The following LARP4B variants were observed in gnomAD, a reference collection of about 807,000 sequenced individuals.
LARP4B encodes the protein la-related protein 4B.
A neutral mutation model predicts 89.8 loss-of-function variants in LARP4B; 12 were observed. That is an observed-to-expected ratio of 0.13 (90% CI 0.09 to 0.22). LARP4B has a LOEUF of 0.22. Ranked by LOEUF, LARP4B falls within the 10% of genes least tolerant of loss-of-function variation. The pLI is 1.00. For missense variants in LARP4B, 757 were observed against 947.7 expected (o/e 0.80, Z 2.64); for synonymous variants, 367 against 363.3 (o/e 1.01, Z -0.12).
chr10:911,529 T>C (rs576784675), intron 1 of LARP4B, among the ~76,000 whole-genome samples: 13 of 152,342 alleles, frequency 8.5e-5, no homozygotes, highest in African/African-American at 3.1e-4. Context: ...AAGCTTAAGA[T>C]CTTCCTAAAA....
intron 5 of LARP4B, among the ~76,000 whole-genome samples, chr10:848,565 T>C (rs1833889307): frequency 7.2e-6 from 1 of 138,750 alleles, no homozygotes; most frequent in African/African-American, 2.6e-5. Context: ...ATAAAAGTTA[T>C]TAAAAAAAAA....
At chr10:823,821 T>C (rs909576398) in intron 13 of LARP4B, among the ~76,000 whole-genome samples, 2 of 152,052 alleles carry the variant, frequency 1.3e-5, no homozygotes, top group African/African-American at 4.8e-5. Flanking sequence ...TGGGCCCCTT[T>C]TGGCTTTGCA....
chr10:987,698 C>T, the LARP4B span: 1 of 152,284 alleles, frequency 6.6e-6, no homozygotes, highest in Non-Finnish European at 1.5e-5. Flanking sequence ...ACTCTATTCA[C>T]AAACATAAAA....
chr10:884,561 T>A (rs1835793834), intron 2 of LARP4B, 55 bp from the exon 3 acceptor site: 1 of 1,236,824 alleles, frequency 8.1e-7, no homozygotes, highest in Non-Finnish European at 1.2e-6. Flanking sequence ...AGAAACAACA[T>A]ATTTTCAAAC....
At chr10:862,550 G>A (rs1033242879) in intron 5 of LARP4B, among the ~76,000 whole-genome samples, 1 of 152,170 alleles carries the variant, frequency 6.6e-6, no homozygotes, top group Non-Finnish European at 1.5e-5. Context: ...CACAAGGTCA[G>A]GAGATCGAGA....
rs1359365139 is a variant in LARP4B, at chr10:814,324, T to C, written c.1929+418A>G. On this transcript the variant is annotated intron_variant, in intron 17 of 17. Transcript: ENST00000316157. The surrounding 1 kb of genome is among the most constrained non-coding windows in gnomAD (Gnocchi z 4.4). ...GGAAGTCGCTGGGGTTCAGGCCTGCTGGGCCCACAGGGGTTGGAGGCTGGT... is the reference window on the plus strand; with the variant it reads ...GGAAGTCGCTGGGGTTCAGGCCTGCCGGGCCCACAGGGGTTGGAGGCTGGT... The C allele has an allele frequency of 3.2e-6, 1 of 312,526 alleles. No individual in the cohort carries two copies. Among genetic ancestry groups the C allele is most frequent in the East Asian group, 9.9e-5 (1 of 10,074 alleles). 19.4% of individuals were successfully genotyped at this position (312,526 alleles called of 1,614,324 possible). A position where few individuals can be genotyped will look rare whatever the true frequency, so the allele number is the denominator to read the frequency against.
At chr10:932,438 C>T, upstream of LARP4B, among the ~76,000 whole-genome samples, 1 of 105,050 alleles carries the variant, frequency 9.5e-6, no homozygotes, top group Non-Finnish European at 1.9e-5. Flanking sequence ...CTGCCCAGAA[C>T]TCCCACCCCA....
At chr10:968,111 G>A in the LARP4B span, among the ~76,000 whole-genome samples, 4 of 152,160 alleles carry the variant, frequency 2.6e-5, no homozygotes, top group East Asian at 7.7e-4. Context: ...ATGGATAAAA[G>A]ATTGGATTCA....
In LARP4B at chr10:921,883, G is replaced by T. The variant is rs77223161; in HGVS notation, c.-40+9545C>A. ...AAACTGAAGGCCACGTGCACACGCA[G>T]CAACACTGGTAATACTGCTTCCCAT... On this transcript the variant is annotated intron_variant, in intron 1 of 17. Transcript: ENST00000316157. 1.6e-3 allele frequency among the ~76,000 whole-genome samples: 237 copies of T among 152,306 alleles called. 2 individuals carry two copies. The highest frequency in any genetic ancestry group is 5.5e-3 in the African/African-American group (227 of 41,584).
chr10:849,723 C>G (rs2131769937), intron 5 of LARP4B, among the ~76,000 whole-genome samples: 1 of 152,264 alleles, frequency 6.6e-6, no homozygotes, highest in Non-Finnish European at 1.5e-5. Context: ...TGATCAAGAT[C>G]AACACCAACA....
Position 812,800 on chromosome 10 carries a change from C to T in LARP4B, c.*126G>A. The T allele has an allele frequency of 1.2e-6, 1 of 833,358 alleles. No homozygotes were observed. Among genetic ancestry groups the T allele is most frequent in the Non-Finnish European group, 1.7e-6 (1 of 601,162 alleles). The allele number at this position is 833,358 out of a possible 1,614,324, so 51.6% of individuals were successfully genotyped here. A position where few individuals can be genotyped will look rare whatever the true frequency, so the allele number is the denominator to read the frequency against. On this transcript the variant is annotated 3_prime_UTR_variant, in exon 18 of 18. Coordinates refer to ENST00000316157, the MANE Select transcript of LARP4B (RefSeq NM_015155.3). ...AATCCAACTCACAGAAGAAAACCAA[C>T]TTGAGGATCCCACAGGCCTCAGACA... is the stretch of plus-strand genomic sequence containing the variant.
At chr10:894,380 G>T (rs895149648) in intron 1 of LARP4B, among the ~76,000 whole-genome samples, 1 of 152,144 alleles carries the variant, frequency 6.6e-6, no homozygotes, top group Non-Finnish European at 1.5e-5. Context: ...CAAGAAAGAC[G>T]ACCTCATTTC....
At chr10:902,595 C>T (rs1396910260) in intron 1 of LARP4B, among the ~76,000 whole-genome samples, 1 of 151,924 alleles carries the variant, frequency 6.6e-6, no homozygotes, top group Non-Finnish European at 1.5e-5. Flanking sequence ...AGCTGCAGCA[C>T]GTTCACTTCA....
chr10:847,023 C>T (rs1205574134), intron 5 of LARP4B, among the ~76,000 whole-genome samples: 1 of 152,080 alleles, frequency 6.6e-6, no homozygotes, highest in African/African-American at 2.4e-5. Flanking sequence ...GCACCAGGGT[C>T]ATTAAAGAGC....
chr10:958,482 AT>A, the LARP4B span, among the ~76,000 whole-genome samples: 1 of 152,162 alleles, frequency 6.6e-6, no homozygotes, highest in Non-Finnish European at 1.5e-5. Context: ...CTTTCTCTTG[AT>A]GGCTGCCAAG....
At chr10:914,482 G>C (rs1419508824) in intron 1 of LARP4B, among the ~76,000 whole-genome samples, 13 of 151,218 alleles carry the variant, frequency 8.6e-5, no homozygotes, top group Non-Finnish European at 1.6e-4. Context: ...CTGGGCTACA[G>C]AGGAAGACTC....
At chr10:968,670 A>G in the LARP4B span, among the ~76,000 whole-genome samples, 8 of 152,212 alleles carry the variant, frequency 5.3e-5, no homozygotes, top group Non-Finnish European at 1.0e-4. Flanking sequence ...ATGGTATCTC[A>G]AAGAGCGAAC....
chr10:831,023 T>C (rs751087678), intron 8 of LARP4B, 46 bp from the exon 9 acceptor site: 1 of 802,064 alleles, frequency 1.2e-6, no homozygotes, highest in African/African-American at 1.8e-5. Flanking sequence ...ACAATGTCAG[T>C]TTTTGTCCTC....
At chr10:813,675 A>C (rs1047765704) in intron 17 of LARP4B, among the ~76,000 whole-genome samples, 2 of 152,262 alleles carry the variant, frequency 1.3e-5, no homozygotes, top group African/African-American at 2.4e-5. Context: ...TTCAAACTAC[A>C]AAGGACTGGA....
Sources: allele counts gnomAD v4.1 joint callset (sites outside exome capture counted in the v4.1 genomes callset), GRCh38; gene constraint gnomAD v4.1.1; non-coding constraint Gnocchi (gnomAD v3.1); transcripts MANE v1.5; gene names NCBI Gene and HGNC (gene_info 2026-07-23, HGNC 2026-07-21).